CNTNAP2: variants seen among roughly 807,000 people sequenced by gnomAD.
CNTNAP2 encodes contactin-associated protein-like 2.
In CNTNAP2, 98 loss-of-function variants were observed where a neutral mutation model predicts 155.2. The ratio of observed to expected loss-of-function variants is 0.63; its 90% CI spans 0.54 to 0.75. The LOEUF is 0.75. Ranked by LOEUF, CNTNAP2 falls within the 30% of genes least tolerant of loss-of-function variation. CNTNAP2 has a pLI of 0.00. For synonymous variants in CNTNAP2, 651 were observed against 631.2 expected, an observed-to-expected ratio of 1.03 and a Z score of -0.47; for missense variants, 1,727 against 1,688.1, an observed-to-expected ratio of 1.02 and a Z score of -0.40.
At chr7:148,229,414 A>G (rs1793427943) in intron 19 of CNTNAP2, among the ~76,000 whole-genome samples, 2 of 152,104 alleles carry the variant, frequency 1.3e-5, no homozygotes, top group Admixed American at 6.5e-5. Context: ...AATGCCAGCT[A>G]CTCAGGAAGC....
intron 4 of CNTNAP2, among the ~76,000 whole-genome samples, chr7:147,062,263 G>C (rs1477814671): frequency 6.9e-6 from 1 of 145,650 alleles, no homozygotes; most frequent in Non-Finnish European, 1.5e-5. Context: ...TGTAATATCA[G>C]TATATTATTG....
chr7:146,638,476 C>CTTTTTTT lies in CNTNAP2; in HGVS notation c.98-135779_98-135773dup, dbSNP rs879600389. On this transcript the variant is annotated intron_variant, in intron 1 of 23. Transcript: ENST00000361727. ...AACAGTTTAATACAGTCAGGTGTTT[C>CTTTTTTT]TTTTTTTTTTTTTTTTTTTTTTCTT... Among the ~76,000 whole-genome samples, 85 of 64,346 alleles carry CTTTTTTT rather than the reference C, an allele frequency of 1.3e-3. 6 individuals are homozygous for CTTTTTTT. The highest frequency in any genetic ancestry group is 0.011 in the Middle Eastern group (1 of 94). 42.2% of individuals were successfully genotyped at this position (64,346 alleles called of 152,430 possible).
chr7:147,217,235 A>G (rs887924926), intron 8 of CNTNAP2, among the ~76,000 whole-genome samples: 3 of 151,964 alleles, frequency 2.0e-5, no homozygotes, highest in African/African-American at 7.2e-5. Context: ...TCTTGATCTT[A>G]GAGGGAAAGC....
At chr7:146,627,422 A>G (rs1456542224) in intron 1 of CNTNAP2, among the ~76,000 whole-genome samples, 1 of 152,210 alleles carries the variant, frequency 6.6e-6, no homozygotes, top group East Asian at 1.9e-4. Context: ...TAAAGAAAAC[A>G]ATTTTGTACT....
intron 4 of CNTNAP2, among the ~76,000 whole-genome samples, chr7:147,105,503 A>G (rs1204963131): frequency 6.6e-6 from 1 of 152,058 alleles, no homozygotes; most frequent in East Asian, 1.9e-4. Context: ...ATTATTAGAT[A>G]TCAAATGAAA....
At chr7:147,065,468 T>A (rs1396518070) in intron 4 of CNTNAP2, among the ~76,000 whole-genome samples, 1 of 152,202 alleles carries the variant, frequency 6.6e-6, no homozygotes, top group African/African-American at 2.4e-5. Context: ...TTTAAGATGA[T>A]CTTTTCCAAC....
intron 1 of CNTNAP2, among the ~76,000 whole-genome samples, chr7:146,299,555 GTTATT>G (rs577956832): frequency 2.0e-5 from 3 of 152,048 alleles, no homozygotes; most frequent in African/African-American, 7.2e-5. Context: ...TAATTTTTTA[GTTATT>G]TTATTTTATT....
chr7:147,539,545 G>A (rs1203183368), intron 11 of CNTNAP2, among the ~76,000 whole-genome samples: 4 of 152,140 alleles, frequency 2.6e-5, no homozygotes, highest in African/African-American at 9.7e-5. Context: ...TAAACAAATT[G>A]AGATTCTTGA....
chr7:146,320,890 A>T (rs1800988955), intron 1 of CNTNAP2, among the ~76,000 whole-genome samples: 1 of 152,118 alleles, frequency 6.6e-6, no homozygotes, highest in Non-Finnish European at 1.5e-5. Flanking sequence ...TTTTCTGAAC[A>T]ATGAAATAAA....
At chr7:147,749,573 G>T (rs112092772) in intron 13 of CNTNAP2, among the ~76,000 whole-genome samples, 34 of 152,126 alleles carry the variant, frequency 2.2e-4, no homozygotes, top group Admixed American at 2.6e-4. Context: ...GATCCTTACT[G>T]TTTCCCAAAA....
intron 1 of CNTNAP2, among the ~76,000 whole-genome samples, chr7:146,352,750 G>GTTTTTTTTGTTTTTTTTTTTTTTTT (rs1794934824): frequency 1.6e-5 from 1 of 64,338 alleles, no homozygotes; most frequent in African/African-American, 6.4e-5. Flanking sequence ...GCATAATTCT[G>GTTTTTTTTGTTTTTTTTTTTTTTTT]TTTTTTTTTT....
intron 1 of CNTNAP2, among the ~76,000 whole-genome samples, chr7:146,631,105 A>C (rs149959920): frequency 1.5e-3 from 229 of 152,268 alleles, no homozygotes; most frequent in African/African-American, 5.2e-3. Flanking sequence ...TACCCAAGAC[A>C]ATCCTAAGCA....
At position 147,103,320 on chromosome 7, in the gene CNTNAP2, G is replaced by A. The variant is rs114202465; in HGVS notation, c.551-4827G>A. Among the ~76,000 whole-genome samples the A allele has an allele frequency of 1.8e-3, 267 of 152,134 alleles. 1 individual carries two copies. Among genetic ancestry groups the A allele is most frequent in the African/African-American group, 6.1e-3 (255 of 41,520 alleles). ...GCGTGAATAGAGAGGAGGTAAAGTT[G>A]GCAGTCACACTTTTTATAAAGAATG... On this transcript the variant is annotated intron_variant, in intron 4 of 23. Coordinates refer to ENST00000361727, the MANE Select transcript of CNTNAP2 (RefSeq NM_014141.6).
chr7:146,989,435 G>A (rs2129238471), intron 3 of CNTNAP2, among the ~76,000 whole-genome samples: 1 of 152,086 alleles, frequency 6.6e-6, no homozygotes, highest in East Asian at 1.9e-4. Context: ...CTTTTTCTCA[G>A]CCAAAGAAAT....
intron 8 of CNTNAP2, among the ~76,000 whole-genome samples, chr7:147,293,073 G>A (rs1805348823): frequency 6.6e-6 from 1 of 152,074 alleles, no homozygotes; most frequent in Non-Finnish European, 1.5e-5. Context: ...CAGCTATGAA[G>A]TGATCATTTC....
chr7:147,612,797 C>A (rs1801212337), intron 12 of CNTNAP2, among the ~76,000 whole-genome samples: 1 of 152,148 alleles, frequency 6.6e-6, no homozygotes, highest in Non-Finnish European at 1.5e-5. Context: ...TGACATCATG[C>A]ATTAAATGCT....
chr7:147,352,215 G>A (rs1795979037), intron 9 of CNTNAP2, among the ~76,000 whole-genome samples: 2 of 151,718 alleles, frequency 1.3e-5, no homozygotes, highest in South Asian at 2.1e-4. Flanking sequence ...TTATGTAAAA[G>A]CAATTCAGCA....
At chr7:147,114,697 G>A (rs538715492) in intron 5 of CNTNAP2, among the ~76,000 whole-genome samples, 41 of 152,200 alleles carry the variant, frequency 2.7e-4, no homozygotes, top group African/African-American at 8.9e-4. Context: ...TTGAGCTTAT[G>A]TGTGTGTTTG....
At position 147,250,431 on chromosome 7, in the gene CNTNAP2, C is replaced by T. The variant is rs909322141; in HGVS notation, c.1349-49710C>T. The stretch of plus-strand genomic sequence containing the variant: ...TGGAGATTCCGAAGTGGCTCTTCAG[C>T]GTGAGGATCGAATTTTTACAGGGAA... On this transcript the variant is annotated intron_variant, in intron 8 of 23. Transcript: ENST00000361727. Among the ~76,000 whole-genome samples, 4 of 152,212 alleles carry T rather than the reference C, an allele frequency of 2.6e-5. No individual in the cohort carries two copies. The East Asian group carries it at 5.8e-4, about 22-fold the overall frequency.
Sources: gnomAD v4.1 joint callset for allele counts (sites outside exome capture counted in the v4.1 genomes callset) on GRCh38, gnomAD v4.1.1 for gene constraint, MANE v1.5 for transcripts, NCBI Gene and HGNC (gene_info 2026-07-23, HGNC 2026-07-21) for gene names.